Variants in TRPC5OS observed in about 807,000 individuals in gnomAD.
TRPC5OS encodes TRPC5 opposite strand.
For synonymous variants in TRPC5OS, 30 were observed against 29.3 expected (o/e 1.02, Z -0.08); for missense variants, 64 against 79.3 (o/e 0.81, Z 0.73).
At chrX:111,895,214 T>C (rs1195288669) in intron 1 of TRPC5OS, among the ~76,000 whole-genome samples, 3 of 111,776 alleles carry the variant, frequency 2.7e-5, no homozygotes, top group Non-Finnish European at 3.8e-5. Context: ...GTCTTTTTCA[T>C]TTTAGCTCTT....
intron 1 of TRPC5OS, among the ~76,000 whole-genome samples, chrX:111,887,587 G>A (rs1924571489): frequency 8.9e-6 from 1 of 111,889 alleles, no homozygotes; most frequent in South Asian, 3.8e-4. Flanking sequence ...AATAGCTCTT[G>A]GGTAGATCAT....
chrX:111,876,701 C>CT (rs1251978942), intron 1 of TRPC5OS, among the ~76,000 whole-genome samples: 2 of 111,432 alleles, frequency 1.8e-5, no homozygotes, highest in African/African-American at 6.5e-5. Flanking sequence ...TGAGTCTCTA[C>CT]CACCCAGAAT....
At chrX:111,886,793 C>T (rs1039324485) in intron 1 of TRPC5OS, among the ~76,000 whole-genome samples, 1 of 112,112 alleles carries the variant, frequency 8.9e-6, no homozygotes, top group Admixed American at 9.5e-5. Flanking sequence ...TTTCTGTCGC[C>T]TCCTGTGAGC....
intron 1 of TRPC5OS, among the ~76,000 whole-genome samples, chrX:111,881,650 A>G (rs1392531804): frequency 9.1e-6 from 1 of 109,484 alleles, no homozygotes; most frequent in Non-Finnish European, 1.9e-5. Context: ...GCTGTTTTAT[A>G]CTATAAATAC....
intron 1 of TRPC5OS, among the ~76,000 whole-genome samples, chrX:111,894,941 A>G (rs1034013503): frequency 2.7e-5 from 3 of 110,262 alleles, no homozygotes; most frequent in African/African-American, 3.3e-5. Context: ...CTGTTCTTGG[A>G]TTTCATGTAA....
At position 111,884,653 on chromosome X, in the gene TRPC5OS, G is replaced by T. The variant is rs750774128; in HGVS notation, c.-546+8380G>T. 1.2e-4 allele frequency among the ~76,000 whole-genome samples: 14 copies of T among 112,954 alleles called. No homozygotes were observed. In the East Asian group the frequency reaches 3.6e-3, roughly 29 times the overall value. Reference sequence around the variant, plus strand: ...CAGAGTCTAGTTAAAGTAGAGCAAAGACCTGAGACTAGTTAAGAGCTAGTT... The same window carrying T: ...CAGAGTCTAGTTAAAGTAGAGCAAATACCTGAGACTAGTTAAGAGCTAGTT... On this transcript the variant is annotated intron_variant, in intron 1 of 3. Transcript: ENST00000635763.
At chrX:111,887,159 C>T (rs1472860026) in intron 1 of TRPC5OS, among the ~76,000 whole-genome samples, 2 of 112,620 alleles carry the variant, frequency 1.8e-5, no homozygotes, top group African/African-American at 6.4e-5. Flanking sequence ...TGGACTCTCA[C>T]ATCTCCCTTT....
chrX:111,886,454 C>A (rs1461405304), intron 1 of TRPC5OS, among the ~76,000 whole-genome samples: 1 of 111,638 alleles, frequency 9.0e-6, no homozygotes, highest in Admixed American at 9.5e-5. Flanking sequence ...TGCATTGACA[C>A]TTCTTTTTTT....
At chrX:111,894,882 A>G (rs1924987565) in intron 1 of TRPC5OS, among the ~76,000 whole-genome samples, 1 of 111,490 alleles carries the variant, frequency 9.0e-6, no homozygotes, top group Non-Finnish European at 1.9e-5. Context: ...TTCCCAGTCA[A>G]TAACCCCCTA....
At chrX:111,884,512 A>G (rs762163034) in intron 1 of TRPC5OS, among the ~76,000 whole-genome samples, 9 of 113,050 alleles carry the variant, frequency 8.0e-5, no homozygotes, top group Middle Eastern at 4.7e-3. Context: ...CATCCTAGTT[A>G]AGGCCTAACC....
intron 3 of TRPC5OS, 81 bp from the exon 4 acceptor site, chrX:111,901,459 G>C (rs1267633767): frequency 1.7e-5 from 2 of 116,025 alleles, no homozygotes; most frequent in African/African-American, 6.5e-5. Flanking sequence ...ATTCTTGATA[G>C]GGGTAACCAG....
chrX:111,898,551 A>C (rs189802597), intron 3 of TRPC5OS, among the ~76,000 whole-genome samples: 6 of 109,546 alleles, frequency 5.5e-5, no homozygotes, highest in Non-Finnish European at 1.1e-4. Context: ...CTTTTTTTCA[A>C]AGACACTTAC....
chrX:111,903,145 A>G lies in TRPC5OS; in HGVS notation c.*960A>G, dbSNP rs1171743922. 1 of 111,746 alleles carries G rather than the reference A, an allele frequency of 8.9e-6. No homozygotes were observed. The highest frequency in any genetic ancestry group is 2.8e-4 in the East Asian group (1 of 3,571). 9.2% of individuals were successfully genotyped at this position (111,746 alleles called of 1,213,427 possible). ...TGTAATGGTACCTCAGGAACTAGAT[A>G]AGATATATTCCAGTGTTTGCTTTGA... On this transcript the variant is annotated 3_prime_UTR_variant, in exon 4 of 4. Coordinates refer to ENST00000635763, the MANE Select transcript of TRPC5OS (RefSeq NM_001195578.2).
chrX:111,894,814 T>C (rs1924981911), intron 1 of TRPC5OS, among the ~76,000 whole-genome samples: 1 of 111,872 alleles, frequency 8.9e-6, no homozygotes, highest in Admixed American at 9.5e-5. Flanking sequence ...TTTTAACATA[T>C]GTGATTATAT....
At chrX:111,881,138 TTTC>T (rs1290852797) in intron 1 of TRPC5OS, among the ~76,000 whole-genome samples, 1 of 105,762 alleles carries the variant, frequency 9.5e-6, no homozygotes, top group South Asian at 3.9e-4. Flanking sequence ...GTTTTGTGAT[TTTC>T]TTTTGTTTAT....
At position 111,884,017 on chromosome X, in the gene TRPC5OS, G is replaced by A. The variant is rs770765131; in HGVS notation, c.-546+7744G>A. Among the ~76,000 whole-genome samples the A allele has an allele frequency of 5.3e-5, 6 of 112,558 alleles. No individual in the cohort carries two copies. In the South Asian group the frequency reaches 2.2e-3, roughly 41 times the overall value. On this transcript the variant is annotated intron_variant, in intron 1 of 3. Coordinates refer to ENST00000635763, the MANE Select transcript of TRPC5OS (RefSeq NM_001195578.2). The stretch of plus-strand genomic sequence containing the variant: ...TAACACTAGATTAGACTTTGTTAGA[G>A]CCCAGTTAAGGCCTAGTCAGGGCTT...
intron 1 of TRPC5OS, among the ~76,000 whole-genome samples, chrX:111,890,694 T>C (rs1204531888): frequency 1.8e-5 from 2 of 111,931 alleles, no homozygotes; most frequent in Non-Finnish European, 3.8e-5. Flanking sequence ...AAGAATCAGG[T>C]TCTTTTTAAA....
At chrX:111,900,279 C>T (rs775423436) in intron 3 of TRPC5OS, among the ~76,000 whole-genome samples, 1 of 111,803 alleles carries the variant, frequency 8.9e-6, no homozygotes, top group African/African-American at 3.2e-5. Flanking sequence ...TAGATGACTA[C>T]TTCCTAAGAC....
intron 1 of TRPC5OS, among the ~76,000 whole-genome samples, chrX:111,880,491 C>T (rs1291174002): frequency 8.9e-6 from 1 of 112,377 alleles, no homozygotes; most frequent in African/African-American, 3.2e-5. Flanking sequence ...GTGAACAGAG[C>T]TGCTTACCTG....
Sources: allele counts gnomAD v4.1 joint callset (sites outside exome capture counted in the v4.1 genomes callset), GRCh38; gene constraint gnomAD v4.1.1; transcripts MANE v1.5; gene names NCBI Gene and HGNC (gene_info 2026-07-23, HGNC 2026-07-21).